The following GOLIM4 variants were observed in gnomAD, a reference collection of about 807,000 sequenced individuals.
GOLIM4 encodes golgi integral membrane protein 4, also known as 130 kDa golgi-localized phosphoprotein.
A neutral mutation model predicts 107.4 loss-of-function variants in GOLIM4; 71 were observed. The observed-to-expected ratio is 0.66, with a 90% CI of 0.55 to 0.81. The LOEUF (loss-of-function observed/expected upper bound fraction) is 0.81. GOLIM4 is among the 30% of genes least tolerant of loss of function. GOLIM4 has a pLI of 0.00. For synonymous variants in GOLIM4, 327 were observed against 294.8 expected, an observed-to-expected ratio of 1.11 and a Z score of -1.12; for missense variants, 830 against 826.1, an observed-to-expected ratio of 1.00 and a Z score of -0.06.
rs1475382143 is a variant in GOLIM4, at chr3:168,013,169, G to A, written c.1861-2346C>T. Among the ~76,000 whole-genome samples, 39 of 151,392 alleles carry A rather than the reference G, an allele frequency of 2.6e-4. 1 individual carries two copies. Among genetic ancestry groups the A allele is most frequent in the Admixed American group, 2.6e-3 (39 of 15,216 alleles). ...CATCTCACGTGCAGAGACACACATA[G>A]GCTCAAAATAAAAGGATGGAGGAAG... On this transcript the variant is annotated intron_variant, in intron 14 of 15. Transcript: ENST00000470487.
Position 168,010,742 on chromosome 3 carries a change from C to G in GOLIM4, c.1941+1G>C. ...AATAGAAATATGTATCCCGGTCATA[C>G]ATTTTCATCATTTTCACCATAGGTC... On this transcript the variant is annotated splice_donor_variant, in intron 15 of 15. Coordinates refer to ENST00000470487, the MANE Select transcript of GOLIM4 (RefSeq NM_014498.5). LOFTEE classifies it high-confidence loss of function. The G allele has an allele frequency of 6.3e-7, 1 of 1,595,656 alleles. No individual in the cohort carries two copies.
At chr3:168,053,023 C>T (rs1719742812) in intron 1 of GOLIM4, among the ~76,000 whole-genome samples, 1 of 152,198 alleles carries the variant, frequency 6.6e-6, no homozygotes, top group South Asian at 2.1e-4. Context: ...CATCTCATCT[C>T]CTGCTTACTT....
chr3:168,046,058 C>G (rs916639730), intron 3 of GOLIM4, among the ~76,000 whole-genome samples: 18 of 152,100 alleles, frequency 1.2e-4, no homozygotes, highest in African/African-American at 4.3e-4. Flanking sequence ...ATATTTTGTA[C>G]TTTGAAGTCT....
chr3:168,083,497 A>AT (rs554261061), intron 1 of GOLIM4, among the ~76,000 whole-genome samples: 1 of 152,174 alleles, frequency 6.6e-6, no homozygotes, highest in Non-Finnish European at 1.5e-5. Context: ...TGGATTTTTA[A>AT]TTTTCCCAGG....
At chr3:168,045,233 A>G (rs754458887) in intron 3 of GOLIM4, among the ~76,000 whole-genome samples, 1 of 152,172 alleles carries the variant, frequency 6.6e-6, no homozygotes, top group Non-Finnish European at 1.5e-5. Flanking sequence ...GGGCTAATAT[A>G]TGCGCTGGGT....
chr3:168,064,427 A>G (rs1220745403), intron 1 of GOLIM4, among the ~76,000 whole-genome samples: 1 of 152,210 alleles, frequency 6.6e-6, no homozygotes, highest in African/African-American at 2.4e-5. Flanking sequence ...TGAAATTTAC[A>G]TAAGAAAAGT....
chr3:168,012,882 A>G (rs1021274926), intron 14 of GOLIM4, among the ~76,000 whole-genome samples: 28,259 of 150,694 alleles, frequency 0.19, 5,942 homozygotes, highest in African/African-American at 0.52. Flanking sequence ...AAGAGCTCCT[A>G]AAGGAAGCGC....
rs150025585 is a variant in GOLIM4, at chr3:168,010,414, T to A, written c.1946A>T (p.Asp649Val). Residue 649 changes from aspartate to valine, a missense_variant, in exon 16 of 16, where the codon GAT becomes GTT. Transcript: ENST00000470487. ...ETYGENDENT[D>V]DKNNDGEEQE... ...CTCTTCTCCATCATTATTTTTATCA[T>A]CAGTCTTAAAATTAAAAGAAAAAAG... 10 of 1,596,138 alleles carry A rather than the reference T, an allele frequency of 6.3e-6. No individual in the cohort carries two copies. The African/African-American group carries it at 1.3e-4, about 21-fold the overall frequency.
chr3:168,043,380 T>G lies in GOLIM4; in HGVS notation c.516A>C (p.Lys172Asn), dbSNP rs1321883057. The G allele has an allele frequency of 2.5e-6, 4 of 1,601,278 alleles. No individual in the cohort carries two copies. The highest frequency in any genetic ancestry group is 3.4e-6 in the Non-Finnish European group (4 of 1,174,024). ...QEKEQELSKL[K>N]ETVYNLREEN... is the part of the protein sequence containing the mutation. Reference sequence around the variant, plus strand: ...CTGGCTAATCAGATTTCCAAATACCTTTTAGCTTAGAAAGTTCTTGTTCTT... The same window carrying G: ...CTGGCTAATCAGATTTCCAAATACCGTTTAGCTTAGAAAGTTCTTGTTCTT... The change falls in exon 5 of 16, where the codon AAA (lysine) becomes AAC (asparagine). Residue 172 changes from lysine (K) to asparagine (N), a missense_variant and splice_region_variant. Physicochemically the swap from Lys to Asn is moderately conservative, Grantham distance 94. Coordinates refer to ENST00000470487, the MANE Select transcript of GOLIM4 (RefSeq NM_014498.5).
chr3:168,010,736 G>T lies in GOLIM4; in HGVS notation c.1941+7C>A. The T allele has an allele frequency of 6.3e-7, 1 of 1,583,398 alleles. No homozygotes were observed. Among genetic ancestry groups the T allele is most frequent in the Non-Finnish European group, 8.7e-7 (1 of 1,152,750 alleles). On this transcript the variant is annotated splice_region_variant and intron_variant, in intron 15 of 15. Transcript: ENST00000470487. ...GTGCTCAATAGAAATATGTATCCCG[G>T]TCATACATTTTCATCATTTTCACCA...
intron 1 of GOLIM4, among the ~76,000 whole-genome samples, chr3:168,059,428 G>A (rs773545688): frequency 6.6e-6 from 1 of 152,058 alleles, no homozygotes; most frequent in Non-Finnish European, 1.5e-5. Flanking sequence ...AACATATCTT[G>A]GAAAAGGTTC....
intron 14 of GOLIM4, among the ~76,000 whole-genome samples, chr3:168,011,504 C>T (rs1372721687): frequency 6.6e-6 from 1 of 151,868 alleles, no homozygotes; most frequent in East Asian, 1.9e-4. Flanking sequence ...ATTAGGTAAA[C>T]AAAGCAGTGG....
intron 9 of GOLIM4, among the ~76,000 whole-genome samples, chr3:168,030,622 G>A (rs1274394809): frequency 1.3e-5 from 2 of 151,904 alleles, no homozygotes; most frequent in Non-Finnish European, 2.9e-5. Flanking sequence ...CTGATTAAAG[G>A]GAAATCTGAT....
Position 168,086,617 on chromosome 3 carries a change from C to A in GOLIM4, c.187+8482G>T, listed in dbSNP as rs559435245. On this transcript the variant is annotated intron_variant, in intron 1 of 15. Transcript: ENST00000470487. ...CACATCTTAATTTTCTATTCACTAT[C>A]ATATTGTGACATTTTATGTATGAAA... 2.1e-4 allele frequency among the ~76,000 whole-genome samples: 32 copies of A among 152,236 alleles called. No individual in the cohort carries two copies. The South Asian group carries it at 6.6e-3, about 32-fold the overall frequency.
chr3:168,043,842 G>A (rs1170787679), intron 4 of GOLIM4, among the ~76,000 whole-genome samples: 1 of 152,194 alleles, frequency 6.6e-6, no homozygotes, highest in Non-Finnish European at 1.5e-5. Context: ...ACAAGGTAAA[G>A]CTAATGGCAA....
chr3:168,047,447 A>G (rs1193775367), intron 2 of GOLIM4, among the ~76,000 whole-genome samples: 1 of 152,214 alleles, frequency 6.6e-6, no homozygotes, highest in Admixed American at 6.5e-5. Flanking sequence ...AGATGGCTCT[A>G]TAAAATCACT....
chr3:168,048,781 G>A (rs1038436331), intron 1 of GOLIM4, among the ~76,000 whole-genome samples: 1 of 152,158 alleles, frequency 6.6e-6, no homozygotes, highest in African/African-American at 2.4e-5. Flanking sequence ...GACTCTAGAA[G>A]GGTATTTTCT....
intron 1 of GOLIM4, among the ~76,000 whole-genome samples, chr3:168,093,697 T>G (rs1722018498): frequency 6.6e-6 from 1 of 152,190 alleles, no homozygotes; most frequent in South Asian, 2.1e-4. Flanking sequence ...AAAGAAAATT[T>G]TGTGAACCTA....
At position 168,090,388 on chromosome 3, in the gene GOLIM4, T is replaced by C. The variant is rs116396358; in HGVS notation, c.187+4711A>G. Among the ~76,000 whole-genome samples, 322 of 151,642 alleles carry C rather than the reference T, an allele frequency of 2.1e-3. 2 individuals are homozygous for C. Among genetic ancestry groups the C allele is most frequent in the African/African-American group, 7.2e-3 (296 of 41,326 alleles). ...TGAAAAGACATTTTTAACAGGAAGC[T>C]AGACAAGAAGACAACACACATAGGA... On this transcript the variant is annotated intron_variant, in intron 1 of 15. Coordinates refer to ENST00000470487, the MANE Select transcript of GOLIM4 (RefSeq NM_014498.5).
Sources: gnomAD v4.1 joint callset for allele counts (sites outside exome capture counted in the v4.1 genomes callset) on GRCh38, gnomAD v4.1.1 for gene constraint, MANE v1.5 for transcripts, NCBI Gene and HGNC (gene_info 2026-07-23, HGNC 2026-07-21) for gene names.